The following CPXM2 variants were observed in gnomAD, a reference collection of about 807,000 sequenced individuals.
CPXM2 encodes the protein carboxypeptidase X, M14 family member 2, also known as inactive carboxypeptidase-like protein X2.
Under a neutral mutation model 86.1 loss-of-function variants are expected in CPXM2, and 66 were observed. That is an observed-to-expected ratio of 0.77 (90% CI 0.63 to 0.94). The LOEUF is 0.94. Ranked by LOEUF, CPXM2 falls within the 40% of genes least tolerant of loss-of-function variation. The pLI is 0.00. For missense variants in CPXM2, 948 were observed against 1,026.3 expected, an observed-to-expected ratio of 0.92 and a Z score of 1.04; for synonymous variants, 388 against 400.2, an observed-to-expected ratio of 0.97 and a Z score of 0.36.
At chr10:123,803,517 C>T (rs887799221) in intron 4 of CPXM2, among the ~76,000 whole-genome samples, 1 of 152,060 alleles carries the variant, frequency 6.6e-6, no homozygotes, top group Admixed American at 6.6e-5. Flanking sequence ...TTTTTGCCTA[C>T]TCCAAGATGA....
At chr10:123,772,641 T>C (rs1259003713) in intron 7 of CPXM2, among the ~76,000 whole-genome samples, 1 of 152,158 alleles carries the variant, frequency 6.6e-6, no homozygotes, top group East Asian at 1.9e-4. Flanking sequence ...CTTACTGTGA[T>C]CATCACCTCC....
intron 10 of CPXM2, among the ~76,000 whole-genome samples, chr10:123,766,765 C>T (rs1177812149): frequency 6.6e-6 from 1 of 152,102 alleles, no homozygotes; most frequent in African/African-American, 2.4e-5. Context: ...TTAAGAAATA[C>T]AATTAGATGA....
chr10:123,863,805 G>A (rs967426700), intron 2 of CPXM2, among the ~76,000 whole-genome samples: 13 of 152,118 alleles, frequency 8.5e-5, no homozygotes, highest in South Asian at 2.1e-4. Flanking sequence ...CCCACACCCC[G>A]TCACTCTCTG....
chr10:123,919,283 G>A (rs755502540), intron 2 of CPXM2, among the ~76,000 whole-genome samples: 1 of 152,162 alleles, frequency 6.6e-6, no homozygotes, highest in Non-Finnish European at 1.5e-5. Flanking sequence ...TTCCTAACCA[G>A]CTTGATTACC....
At chr10:123,789,576 T>C (rs1003506164) in intron 6 of CPXM2, among the ~76,000 whole-genome samples, 2 of 152,254 alleles carry the variant, frequency 1.3e-5, no homozygotes, top group Non-Finnish European at 2.9e-5. Context: ...AACTTGGTAA[T>C]GTTAGAAACA....
chr10:123,857,446 G>A (rs61861892), intron 3 of CPXM2, among the ~76,000 whole-genome samples: 3,491 of 152,102 alleles, frequency 0.023, 69 homozygotes, highest in South Asian at 0.087. Flanking sequence ...CACAATTAAG[G>A]AGACACGTTG....
intron 4 of CPXM2, among the ~76,000 whole-genome samples, chr10:123,802,847 C>A (rs1345719546): frequency 6.6e-6 from 1 of 152,058 alleles, no homozygotes; most frequent in Non-Finnish European, 1.5e-5. Context: ...TTTAGCCATT[C>A]TTGATGGATG....
intron 3 of CPXM2, among the ~76,000 whole-genome samples, chr10:123,860,894 G>T (rs1172346537): frequency 6.6e-6 from 1 of 152,116 alleles, no homozygotes; most frequent in African/African-American, 2.4e-5. Flanking sequence ...CCAACCTTCG[G>T]ATCTCCTTAA....
chr10:123,840,578 CA>C (rs1368301570), intron 4 of CPXM2, among the ~76,000 whole-genome samples: 1 of 152,068 alleles, frequency 6.6e-6, no homozygotes, highest in Non-Finnish European at 1.5e-5. Context: ...GCCTGAGTAA[CA>C]GCATGAAAAA....
At chr10:123,869,355 CA>C (rs1297539510) in intron 2 of CPXM2, among the ~76,000 whole-genome samples, 2 of 152,174 alleles carry the variant, frequency 1.3e-5, no homozygotes, top group Admixed American at 6.5e-5. Flanking sequence ...TCCCCTAAAA[CA>C]AACAAATTCA....
chr10:123,891,865 G>T (rs2134251848), upstream of CPXM2: 1 of 156,690 alleles, frequency 6.4e-6, no homozygotes, highest in African/African-American at 2.4e-5. The surrounding 1 kb of genome is among the most constrained non-coding windows in gnomAD (Gnocchi z 5.6). Context: ...GCGCAGAGGC[G>T]CGGGGCGGGC....
chr10:123,882,093 A>C (rs1197852880), intron 1 of CPXM2, among the ~76,000 whole-genome samples: 1 of 152,246 alleles, frequency 6.6e-6, no homozygotes, highest in Non-Finnish European at 1.5e-5. Context: ...TCACATGCTA[A>C]AAGGACACTT....
At chr10:123,820,779 T>C (rs1215207003) in intron 4 of CPXM2, among the ~76,000 whole-genome samples, 1 of 152,188 alleles carries the variant, frequency 6.6e-6, no homozygotes, top group Non-Finnish European at 1.5e-5. Flanking sequence ...CAACAGTGCA[T>C]GTCTCTAACC....
chr10:123,766,975 T>A lies in CPXM2; in HGVS notation c.1477A>T (p.Thr493Ser). ...IPEWFLSENATVAAETRAVIA... is the reference protein window; with the variant it reads ...IPEWFLSENASVAAETRAVIA... ...AGATGACGGGTATTTTGACTCACCG[T>A]GGCATTTTCCGACAGAAACCACTCA... Residue 493 changes from threonine (T) to serine (S), a missense_variant and splice_region_variant, in exon 10 of 14, where the codon ACG becomes TCG. Thr to Ser is a moderately conservative substitution (Grantham distance 58). Transcript: ENST00000241305. 1.2e-6 allele frequency: 2 copies of A among 1,613,202 alleles called. No individual in the cohort carries two copies. The highest frequency in any genetic ancestry group is 1.7e-6 in the Non-Finnish European group (2 of 1,179,098).
intron 2 of CPXM2, among the ~76,000 whole-genome samples, chr10:123,867,950 A>G (rs1944822627): frequency 6.6e-6 from 1 of 152,180 alleles, no homozygotes; most frequent in African/African-American, 2.4e-5. Flanking sequence ...AAAATTATGC[A>G]GGATGAGGAA....
intron 2 of CPXM2, among the ~76,000 whole-genome samples, chr10:123,867,719 GAC>G (rs1944819418): frequency 2.0e-5 from 3 of 151,982 alleles, no homozygotes; most frequent in Admixed American, 2.0e-4. Flanking sequence ...TTTTAGTAGA[GAC>G]AGAGTTTCAC....
intron 3 of CPXM2, among the ~76,000 whole-genome samples, chr10:123,861,817 A>C (rs1208927463): frequency 6.6e-6 from 1 of 152,250 alleles, no homozygotes; most frequent in Non-Finnish European, 1.5e-5. Flanking sequence ...TCTGTCCTCC[A>C]GAACTGTAAG....
chr10:123,849,613 A>C (rs1350360509), intron 3 of CPXM2, among the ~76,000 whole-genome samples: 1 of 151,976 alleles, frequency 6.6e-6, no homozygotes, highest in Non-Finnish European at 1.5e-5. Flanking sequence ...AAGGTTTACC[A>C]TGTTGGTCAG....
intron 4 of CPXM2, among the ~76,000 whole-genome samples, chr10:123,839,381 A>C (rs1848339766): frequency 6.6e-6 from 1 of 152,230 alleles, no homozygotes; most frequent in Non-Finnish European, 1.5e-5. Context: ...ATGTATCATT[A>C]TAGATCAATT....
Sources: allele counts gnomAD v4.1 joint callset (sites outside exome capture counted in the v4.1 genomes callset), GRCh38; gene constraint gnomAD v4.1.1; non-coding constraint Gnocchi (gnomAD v3.1); transcripts MANE v1.5; gene names NCBI Gene and HGNC (gene_info 2026-07-23, HGNC 2026-07-21).